ITIH3: variants seen among roughly 807,000 people sequenced by gnomAD.
The protein encoded by ITIH3 is inter-alpha-trypsin inhibitor heavy chain 3, also known as inter-alpha-trypsin inhibitor heavy chain H3.
ITIH3 carries 81 observed loss-of-function variants against 96.5 expected under a neutral mutation model. That is an observed-to-expected ratio of 0.84 (90% confidence interval 0.70 to 1.01). ITIH3 has a LOEUF of 1.01. Ranked by LOEUF, ITIH3 falls within the 50% of genes least tolerant of loss-of-function variation. The pLI, the probability that ITIH3 is intolerant of heterozygous loss-of-function variation, is 0.00. For missense variants in ITIH3, 1,057 were observed against 1,139.3 expected (o/e 0.93, Z 1.04); for synonymous variants, 422 against 445.2 (o/e 0.95, Z 0.66).
rs1177706258 is a variant in ITIH3 at position 52,803,327 on chromosome 3, T to TA, written c.1709+521_1709+522insA. Among the ~76,000 whole-genome samples, 140 of 129,168 alleles carry TA rather than the reference T, an allele frequency of 1.1e-3. No homozygotes were observed. The South Asian group carries it at 0.012, about 11-fold the overall frequency. The allele number at this position is 129,168 out of a possible 152,430, so 84.7% of individuals were successfully genotyped here. ...ATTTATTTTATTTTATTATTATTAT[T>TA]TTTTTTTTTGAGACGGAGTCTCGCT... On this transcript the variant is annotated intron_variant, in intron 13 of 21. Coordinates refer to ENST00000449956, the MANE Select transcript of ITIH3 (RefSeq NM_002217.4).
chr3:52,796,518 A>G lies in ITIH3; in HGVS notation c.152A>G (p.Asn51Ser), dbSNP rs536273396. Residue 51 changes from asparagine (N) to serine (S), a missense_variant, in exon 3 of 22, where the codon AAC (asparagine) becomes AGC (serine). By Grantham distance (46) the Asn-to-Ser change is conservative. Coordinates refer to ENST00000449956, the MANE Select transcript of ITIH3 (RefSeq NM_002217.4). ...NGIEVYSTKI[N>S]SKVTSRFAHN... ...ATCGAGGTCTACAGTACCAAAATCA[A>G]CTCCAAGGTGACCTCCCGTTTTGCT... 2 of 1,612,978 alleles carry G rather than the reference A, an allele frequency of 1.2e-6. No homozygotes were observed. Among genetic ancestry groups the G allele is most frequent in the African/African-American group, 1.3e-5 (1 of 74,882 alleles).
chr3:52,806,064 A>G (rs1700030799), intron 16 of ITIH3, 39 bp from the exon 17 acceptor site: 1 of 1,584,850 alleles, frequency 6.3e-7, no homozygotes, highest in Admixed American at 1.8e-5. Context: ...TCCCAGGGCC[A>G]CTTGCTTAGC....
At chr3:52,806,233 G>GGAGGCCCCAGGTATGATGA in intron 17 of ITIH3, 60 bp from the exon 18 acceptor site, 1 of 1,598,108 alleles carries the variant, frequency 6.3e-7, no homozygotes, top group Non-Finnish European at 8.6e-7. Context: ...GAAGGCTGGG[G>GGAGGCCCCAGGTATGATGA]GAGGCCCCAG....
intron 9 of ITIH3, 127 bp from the exon 10 acceptor site, chr3:52,800,411 T>C (rs757150934): frequency 1.0e-5 from 11 of 1,085,542 alleles, no homozygotes; most frequent in South Asian, 1.6e-5. Context: ...AGTACCACCA[T>C]GGGCTGGCAG....
chr3:52,799,026 T>A lies in ITIH3; in HGVS notation c.724T>A (p.Ser242Thr), dbSNP rs1426978450. 2.5e-6 allele frequency: 4 copies of A among 1,613,462 alleles called. No homozygotes were observed. Among genetic ancestry groups the A allele is most frequent in the Non-Finnish European group, 3.4e-6 (4 of 1,179,744 alleles). Residue 242 changes from serine (S) to threonine (T), a missense_variant, in exon 7 of 22, where the codon TCC (serine) becomes ACC (threonine). Transcript: ENST00000449956. ...GCGTTCATGCCCAACCTGTACAGAC[T>A]CCCTCCTCAATGGAGATTTCACTAT... Reference protein sequence around the residue: ...QQRSCPTCTDSLLNGDFTITY... With the variant: ...QQRSCPTCTDTLLNGDFTITY...
intron 2 of ITIH3, chr3:52,795,999 C>A: frequency 3.8e-6 from 1 of 263,776 alleles, no homozygotes; most frequent in Non-Finnish European, 7.2e-6. Flanking sequence ...ATTCAACACC[C>A]CTATTGGAAA....
At chr3:52,795,490 G>T in intron 1 of ITIH3, 113 bp from the exon 2 acceptor site, 1 of 1,133,882 alleles carries the variant, frequency 8.8e-7, no homozygotes, top group Non-Finnish European at 1.3e-6. Context: ...CAGGTGTGTG[G>T]GGGGCAGGGC....
intron 13 of ITIH3, among the ~76,000 whole-genome samples, chr3:52,803,260 C>T (rs960155025): frequency 6.9e-6 from 1 of 144,658 alleles, no homozygotes; most frequent in Non-Finnish European, 1.5e-5. Flanking sequence ...CTGTTGTAGC[C>T]CCTTATTTTA....
rs767047142 is a variant in ITIH3 at position 52,795,630 on chromosome 3, A to G, written c.114+7A>G. On this transcript the variant is annotated splice_region_variant and intron_variant, in intron 2 of 21. Coordinates refer to ENST00000449956, the MANE Select transcript of ITIH3 (RefSeq NM_002217.4). Reference sequence around the variant, plus strand: ...ACGGAGCCTCCCGGAAGGGGTAAGAACTTTCACCAGGGGGTGGGACCGAGT... The same window carrying G: ...ACGGAGCCTCCCGGAAGGGGTAAGAGCTTTCACCAGGGGGTGGGACCGAGT... 1 of 1,612,150 alleles carries G rather than the reference A, an allele frequency of 6.2e-7. No individual in the cohort carries two copies. Among genetic ancestry groups the G allele is most frequent in the Admixed American group, 1.7e-5 (1 of 59,796 alleles).
chr3:52,796,672 T>C, intron 3 of ITIH3, 25 bp downstream of exon 3: 1 of 1,608,000 alleles, frequency 6.2e-7, no homozygotes, highest in South Asian at 1.1e-5. Context: ...GGCTGCTGGC[T>C]CTGGGCTCGG....
chr3:52,797,498 C>T (rs1382526332), intron 5 of ITIH3, among the ~76,000 whole-genome samples: 1 of 152,248 alleles, frequency 6.6e-6, no homozygotes, highest in Non-Finnish European at 1.5e-5. Flanking sequence ...CCCTCAAGAG[C>T]AACACCAGCA....
intron 5 of ITIH3, among the ~76,000 whole-genome samples, 176 bp downstream of exon 5, chr3:52,797,443 G>C (rs1448684320): frequency 6.6e-6 from 1 of 152,218 alleles, no homozygotes; most frequent in Non-Finnish European, 1.5e-5. Context: ...GGGGCCAAGG[G>C]GAAGAGGCTG....
rs575709957 is a variant in ITIH3 at position 52,802,182 on chromosome 3, C to T, written c.1384-152C>T. On this transcript the variant is annotated intron_variant, in intron 11 of 21. Transcript: ENST00000449956. Reference sequence around the variant, plus strand: ...GGAGCAGGGAGTTGCCGGGGGGAGGCCCCCACAGACTGAAGGACGCAGTCA... The same window carrying T: ...GGAGCAGGGAGTTGCCGGGGGGAGGTCCCCACAGACTGAAGGACGCAGTCA... 57 of 717,064 alleles carry T rather than the reference C, an allele frequency of 7.9e-5. No individual in the cohort carries two copies. The African/African-American group carries it at 9.9e-4, about 12-fold the overall frequency. 44.4% of individuals were successfully genotyped at this position (717,064 alleles called of 1,614,324 possible).
intron 6 of ITIH3, among the ~76,000 whole-genome samples, chr3:52,798,289 G>C (rs147448939): frequency 2.0e-5 from 3 of 152,366 alleles, no homozygotes; most frequent in African/African-American, 7.2e-5. Context: ...AGACTAAAGA[G>C]AACTTCATTC....
chr3:52,800,716 T>C (rs1264232026), intron 10 of ITIH3, 53 bp downstream of exon 10: 25 of 1,579,502 alleles, frequency 1.6e-5, no homozygotes, highest in Non-Finnish European at 2.1e-5. Flanking sequence ...TGGCTGCTGC[T>C]CCTGGCTCTG....
rs762302420 is a variant in ITIH3 at position 52,801,016 on chromosome 3, G to A, written c.1253G>A (p.Gly418Asp). 5.0e-6 allele frequency: 8 copies of A among 1,614,050 alleles called. No individual in the cohort carries two copies. The highest frequency in any genetic ancestry group is 1.6e-4 in the Middle Eastern group (1 of 6,062). Reference protein sequence around the residue: ...IQENVRNAIGGKFPLYNLGFG... With the variant: ...IQENVRNAIGDKFPLYNLGFG... ...GAGAATGTGCGGAATGCCATCGGGG[G>A]CAAGTTCCCCTTGTATAACCTGGGC... Residue 418 changes from glycine (G) to aspartate (D), a missense_variant, in exon 11 of 22, where the codon GGC becomes GAC. Coordinates refer to ENST00000449956, the MANE Select transcript of ITIH3 (RefSeq NM_002217.4).
chr3:52,802,245 G>C (rs950994386), intron 11 of ITIH3, 89 bp from the exon 12 acceptor site: 1 of 1,392,332 alleles, frequency 7.2e-7, no homozygotes, highest in Non-Finnish European at 9.9e-7. Flanking sequence ...CATTAGGACG[G>C]GCCCAGCCCT....
At chr3:52,797,721 T>A in intron 5 of ITIH3, 96 bp from the exon 6 acceptor site, 1 of 754,092 alleles carries the variant, frequency 1.3e-6, no homozygotes, top group Non-Finnish European at 2.3e-6. Flanking sequence ...AGAGGGTCCC[T>A]GCATCACCAC....
chr3:52,802,564 A>G, intron 12 of ITIH3, 45 bp downstream of exon 12: 1 of 1,611,608 alleles, frequency 6.2e-7, no homozygotes, highest in Non-Finnish European at 8.5e-7. Flanking sequence ...ATGGGGTATC[A>G]GCAGTGGTAG....
Sources: allele counts gnomAD v4.1 joint callset (sites outside exome capture counted in the v4.1 genomes callset), GRCh38; gene constraint gnomAD v4.1.1; transcripts MANE v1.5; gene names NCBI Gene and HGNC (gene_info 2026-07-23, HGNC 2026-07-21).